Variants in UNC79 observed in about 807,000 individuals in gnomAD.
UNC79 encodes unc-79 subunit of NALCN channel complex.
Under a neutral mutation model 283.1 loss-of-function variants are expected in UNC79, and 37 were observed. The observed-to-expected ratio is 0.13, with a 90% CI of 0.10 to 0.17. The LOEUF (loss-of-function observed/expected upper bound fraction) is 0.17. Ranked by LOEUF, UNC79 falls within the 10% of genes least tolerant of loss-of-function variation. The pLI, the probability that UNC79 is intolerant of heterozygous loss-of-function variation, is 1.00. For missense variants in UNC79, 2,272 were observed against 3,211.1 expected (o/e 0.71, Z 7.07); for synonymous variants, 1,107 against 1,200.2 (o/e 0.92, Z 1.61).
chr14:93,542,757 C>T, intron 14 of UNC79, 61 bp downstream of exon 14: 2 of 1,548,896 alleles, frequency 1.3e-6, no homozygotes, highest in Non-Finnish European at 1.8e-6. Context: ...GAAGTGCTGC[C>T]TTAGCCATGT....
At chr14:93,603,561 G>T (rs1050460048) in intron 26 of UNC79, 143 bp downstream of exon 26, 2 of 1,034,946 alleles carry the variant, frequency 1.9e-6, no homozygotes, top group Middle Eastern at 6.3e-4. Flanking sequence ...ATTCCCTAGA[G>T]AATCACTTCA....
intron 5 of UNC79, among the ~76,000 whole-genome samples, chr14:93,491,889 A>C (rs1038267513): frequency 6.6e-6 from 1 of 152,204 alleles, no homozygotes; most frequent in Non-Finnish European, 1.5e-5. Context: ...GTTGGGACCC[A>C]AAACTAGTCT....
At chr14:93,534,668 C>T (rs1400689731) in intron 11 of UNC79, among the ~76,000 whole-genome samples, 2 of 152,158 alleles carry the variant, frequency 1.3e-5, no homozygotes, top group Non-Finnish European at 2.9e-5. Context: ...GATCTTTATC[C>T]TGAGGCCATT....
intron 15 of UNC79, 78 bp downstream of exon 15, chr14:93,572,162 A>G: frequency 6.8e-7 from 1 of 1,463,332 alleles, no homozygotes; most frequent in Non-Finnish European, 9.2e-7. Flanking sequence ...TATGCCGGTC[A>G]CCCTACTAAG....
At chr14:93,651,401 A>G (rs1477945820) in intron 35 of UNC79, among the ~76,000 whole-genome samples, 2 of 152,204 alleles carry the variant, frequency 1.3e-5, no homozygotes, top group African/African-American at 2.4e-5. Flanking sequence ...CTTCCAATTC[A>G]TGAACATGGT....
At chr14:93,554,029 A>T (rs1373376928) in intron 14 of UNC79, among the ~76,000 whole-genome samples, 2 of 152,090 alleles carry the variant, frequency 1.3e-5, no homozygotes, top group Non-Finnish European at 2.9e-5. Flanking sequence ...CAGAGAGAGG[A>T]CTCAGCTTTC....
At chr14:93,575,240 C>G in intron 17 of UNC79, 42 bp downstream of exon 17, 1 of 1,611,352 alleles carries the variant, frequency 6.2e-7, no homozygotes, top group Non-Finnish European at 8.5e-7. Flanking sequence ...TTTTAAAAAT[C>G]TTGAAAACCC....
At chr14:93,386,824 G>T (rs2054783820) in intron 1 of UNC79, among the ~76,000 whole-genome samples, 1 of 149,304 alleles carries the variant, frequency 6.7e-6, no homozygotes, top group Non-Finnish European at 1.5e-5. Flanking sequence ...TTTTCTTAGT[G>T]TGGCTAAAGG....
chr14:93,342,479 G>A (rs2053734584), intron 1 of UNC79, among the ~76,000 whole-genome samples: 1 of 152,206 alleles, frequency 6.6e-6, no homozygotes, highest in Non-Finnish European at 1.5e-5. Context: ...GTGATGGGAG[G>A]GGCTGCTGTG....
At chr14:93,542,399 A>G in intron 13 of UNC79, 67 bp from the exon 14 acceptor site, 1 of 1,474,646 alleles carries the variant, frequency 6.8e-7, no homozygotes, top group African/African-American at 1.4e-5. Flanking sequence ...TTGCCTCTTA[A>G]TGCACCTATA....
intron 40 of UNC79, among the ~76,000 whole-genome samples, chr14:93,670,965 T>C (rs982024760): frequency 1.3e-5 from 2 of 152,372 alleles, no homozygotes; most frequent in Middle Eastern, 3.4e-3. Flanking sequence ...TGTATGCTTA[T>C]ATTTTATGTA....
At chr14:93,682,891 T>A (rs1437222502) in intron 42 of UNC79, among the ~76,000 whole-genome samples, 197 bp downstream of exon 45, 3 of 152,216 alleles carry the variant, frequency 2.0e-5, no homozygotes, top group African/African-American at 7.2e-5. Context: ...ACATATAGTT[T>A]GAGGATTGAA....
chr14:93,363,094 G>A lies in UNC79; in HGVS notation c.-351+29571G>A, dbSNP rs372887185. Among the ~76,000 whole-genome samples, 19 of 152,122 alleles carry A rather than the reference G, an allele frequency of 1.2e-4. No homozygotes were observed. In the South Asian group the frequency reaches 3.7e-3, roughly 30 times the overall value. On this transcript the variant is annotated intron_variant, in intron 1 of 49. Coordinates refer to the UNC79 transcript ENST00000256339. ...AGCTCTTTCTAACTTTTTGACGTGG[G>A]TATTTAGCACTATAAACTTTCTTCT...
In UNC79 at chr14:93,621,485, G is replaced by T; in HGVS notation, c.4388-136G>T. On this transcript the variant is annotated intron_variant, in intron 29 of 48. Transcript: ENST00000555664. The surrounding 1 kb of genome is among the most constrained non-coding windows in gnomAD (Gnocchi z 4.8). ...TTAGAACGAACCTTACAAAAACTTGGCCAGAAAGTTCGTTTTCCCTCCTGG... is the reference window on the plus strand; with the variant it reads ...TTAGAACGAACCTTACAAAAACTTGTCCAGAAAGTTCGTTTTCCCTCCTGG... The T allele has an allele frequency of 8.8e-7, 1 of 1,137,292 alleles. No homozygotes were observed. The highest frequency in any genetic ancestry group is 2.7e-5 in the East Asian group (1 of 36,658). 70.5% of individuals were successfully genotyped at this position (1,137,292 alleles called of 1,614,324 possible).
At chr14:93,361,211 C>CAAAAAAAAA (rs58267219) in intron 1 of UNC79, among the ~76,000 whole-genome samples, 34 of 54,360 alleles carry the variant, frequency 6.3e-4, no homozygotes, top group East Asian at 3.1e-3. Flanking sequence ...GACTCTGTCT[C>CAAAAAAAAA]AAAAAAAAAA....
intron 1 of UNC79, among the ~76,000 whole-genome samples, chr14:93,341,566 A>T (rs1156669475): frequency 2.0e-5 from 3 of 149,618 alleles, no homozygotes; most frequent in Non-Finnish European, 4.4e-5. Flanking sequence ...GAAGTTTGAG[A>T]CCATCAGCCT....
intron 14 of UNC79, among the ~76,000 whole-genome samples, chr14:93,563,962 A>C (rs1332325683): frequency 6.6e-6 from 1 of 152,144 alleles, no homozygotes; most frequent in East Asian, 1.9e-4. Flanking sequence ...TGAGTTGAGC[A>C]TAGTTCATGA....
chr14:93,490,922 A>G (rs2058693141), intron 5 of UNC79, among the ~76,000 whole-genome samples: 1 of 152,074 alleles, frequency 6.6e-6, no homozygotes, highest in Admixed American at 6.6e-5. Flanking sequence ...CTCAGTACCA[A>G]TTTTCTGTTT....
intron 1 of UNC79, among the ~76,000 whole-genome samples, chr14:93,379,693 T>C (rs544844887): frequency 7.8e-6 from 1 of 128,810 alleles, no homozygotes; most frequent in South Asian, 2.9e-4. Flanking sequence ...ATAATGGACT[T>C]TGGGGACTGC....
Sources: gnomAD v4.1 joint callset for allele counts (sites outside exome capture counted in the v4.1 genomes callset) on GRCh38, gnomAD v4.1.1 for gene constraint, Gnocchi (gnomAD v3.1) non-coding constraint, MANE v1.5 for transcripts, NCBI Gene and HGNC (gene_info 2026-07-23, HGNC 2026-07-21) for gene names.